Variants in GALNT17 observed in about 807,000 individuals in gnomAD.
GALNT17 encodes the protein UDP-GalNAc:polypeptide N-acetylgalactosaminyltransferase-like 3.
GALNT17 carries 29 observed loss-of-function variants against 63.7 expected under a neutral mutation model. The ratio of observed to expected loss-of-function variants is 0.46; its 90% CI spans 0.34 to 0.62. The LOEUF is 0.62. GALNT17 is among the 20% of genes least tolerant of loss of function. GALNT17 has a pLI of 0.01. For synonymous variants in GALNT17, 305 were observed against 318.3 expected (o/e 0.96, Z 0.45); for missense variants, 603 against 799.6 (o/e 0.75, Z 2.97).
At chr7:71,242,397 T>C (rs1790015500) in intron 1 of GALNT17, among the ~76,000 whole-genome samples, 1 of 150,912 alleles carries the variant, frequency 6.6e-6, no homozygotes, top group Admixed American at 6.6e-5. Context: ...GCCTCCCGAG[T>C]AGCTGGGACT....
intron 6 of GALNT17, among the ~76,000 whole-genome samples, chr7:71,649,168 C>T (rs960912214): frequency 2.0e-4 from 30 of 152,202 alleles, no homozygotes; most frequent in African/African-American, 6.3e-4. Context: ...CAAGGTGCTT[C>T]TCAAGCTCTG....
chr7:71,149,427 T>C (rs1562864353), intron 1 of GALNT17, among the ~76,000 whole-genome samples: 1 of 152,036 alleles, frequency 6.6e-6, no homozygotes, highest in Non-Finnish European at 1.5e-5. Flanking sequence ...CTCCTGGGTG[T>C]GGGATTGAGT....
intron 5 of GALNT17, among the ~76,000 whole-genome samples, chr7:71,423,601 A>G (rs1786705930): frequency 1.3e-5 from 2 of 152,140 alleles, no homozygotes; most frequent in African/African-American, 4.8e-5. Flanking sequence ...TTCTCAGTTT[A>G]AACATTTGTG....
chr7:71,147,113 C>A (rs1268231988), intron 1 of GALNT17, among the ~76,000 whole-genome samples: 2 of 152,074 alleles, frequency 1.3e-5, no homozygotes, highest in Non-Finnish European at 2.9e-5. Context: ...TAAAATGAGA[C>A]CGGTATGATT....
chr7:71,707,809 A>G (rs1352057600), intron 9 of GALNT17, among the ~76,000 whole-genome samples: 1 of 152,206 alleles, frequency 6.6e-6, no homozygotes, highest in Non-Finnish European at 1.5e-5. Context: ...ATACAAGGCT[A>G]AAAGTCTAGT....
At chr7:71,305,144 A>C (rs1171357482) in intron 1 of GALNT17, among the ~76,000 whole-genome samples, 1 of 152,236 alleles carries the variant, frequency 6.6e-6, no homozygotes, top group African/African-American at 2.4e-5. Context: ...TGGATATATA[A>C]AATTAAATAC....
At chr7:71,571,643 A>G (rs1181664055) in intron 6 of GALNT17, among the ~76,000 whole-genome samples, 1 of 152,150 alleles carries the variant, frequency 6.6e-6, no homozygotes, top group African/African-American at 2.4e-5. Flanking sequence ...CACTCTGGGC[A>G]TTAGCTGGAG....
intron 5 of GALNT17, among the ~76,000 whole-genome samples, chr7:71,489,413 C>T (rs921290815): frequency 4.6e-5 from 7 of 152,206 alleles, no homozygotes; most frequent in East Asian, 1.9e-4. Flanking sequence ...TAATGATCAA[C>T]AGGCTTTGGC....
chr7:71,687,477 A>C (rs537032377), intron 9 of GALNT17, among the ~76,000 whole-genome samples: 1 of 152,290 alleles, frequency 6.6e-6, no homozygotes, highest in Non-Finnish European at 1.5e-5. Context: ...CTATCATGTA[A>C]GTGTCGGAGC....
chr7:71,455,639 T>C (rs116243131), intron 5 of GALNT17, among the ~76,000 whole-genome samples: 173 of 152,248 alleles, frequency 1.1e-3, no homozygotes, highest in African/African-American at 3.9e-3. Context: ...GAGCCAACAG[T>C]TCTTGTTCCC....
intron 6 of GALNT17, among the ~76,000 whole-genome samples, chr7:71,632,037 T>C (rs2116990509): frequency 6.6e-6 from 1 of 151,748 alleles, no homozygotes; most frequent in Non-Finnish European, 1.5e-5. Flanking sequence ...TGTGAGCCAC[T>C]GCATCCAGCC....
chr7:71,561,098 C>T (rs1420112059), intron 5 of GALNT17, among the ~76,000 whole-genome samples: 1 of 152,090 alleles, frequency 6.6e-6, no homozygotes, highest in African/African-American at 2.4e-5. Context: ...CTGCAACCTC[C>T]ACCTCCCGGG....
intron 5 of GALNT17, among the ~76,000 whole-genome samples, chr7:71,507,763 T>A (rs186772238): frequency 6.6e-6 from 1 of 152,130 alleles, no homozygotes; most frequent in Non-Finnish European, 1.5e-5. Context: ...TTGCCCAGAG[T>A]TGGGAAGGAA....
At chr7:71,471,223 G>C (rs1787622388) in intron 5 of GALNT17, among the ~76,000 whole-genome samples, 1 of 151,688 alleles carries the variant, frequency 6.6e-6, no homozygotes. Context: ...ACTACAGACA[G>C]GTGCCACCAT....
At chr7:71,584,084 G>T (rs1054786263) in intron 6 of GALNT17, among the ~76,000 whole-genome samples, 29 of 152,210 alleles carry the variant, frequency 1.9e-4, no homozygotes, top group African/African-American at 6.0e-4. Context: ...GTGAGCCAAG[G>T]TTGCGCCACT....
At chr7:71,391,099 G>T (rs1793041439) in intron 3 of GALNT17, among the ~76,000 whole-genome samples, 1 of 152,322 alleles carries the variant, frequency 6.6e-6, no homozygotes, top group East Asian at 1.9e-4. Flanking sequence ...CCTGGCTGGT[G>T]GTTGAAACTC....
intron 1 of GALNT17, among the ~76,000 whole-genome samples, chr7:71,271,502 T>G (rs908899429): frequency 4.6e-5 from 7 of 152,172 alleles, no homozygotes; most frequent in Middle Eastern, 3.2e-3. Context: ...CTAGGAGCAG[T>G]TTTTGAAAGA....
intron 9 of GALNT17, among the ~76,000 whole-genome samples, chr7:71,690,121 T>G (rs1791420012): frequency 6.6e-6 from 1 of 151,442 alleles, no homozygotes; most frequent in Non-Finnish European, 1.5e-5. Flanking sequence ...GACTCCTGGG[T>G]TCAGGCGAGT....
At chr7:71,284,028 AG>A (rs1790824562) in intron 1 of GALNT17, 2 of 152,264 alleles carry the variant, frequency 1.3e-5, no homozygotes, top group African/African-American at 4.8e-5. Flanking sequence ...AGGGAATAAA[AG>A]CTGGCGGCAG....
Sources: allele counts gnomAD v4.1 joint callset (sites outside exome capture counted in the v4.1 genomes callset), GRCh38; gene constraint gnomAD v4.1.1; transcripts MANE v1.5; gene names NCBI Gene and HGNC (gene_info 2026-07-23, HGNC 2026-07-21).